The following PRKAR2B variants were observed in gnomAD, a reference collection of about 807,000 sequenced individuals.
PRKAR2B encodes protein kinase cAMP-dependent type II regulatory subunit beta, also known as cAMP-dependent protein kinase type II-beta regulatory subunit.
PRKAR2B carries 14 observed loss-of-function variants against 49.9 expected under a neutral mutation model. The ratio of observed to expected loss-of-function variants is 0.28; its 90% CI spans 0.19 to 0.44. The LOEUF is 0.44. Ranked by LOEUF, PRKAR2B falls within the 20% of genes least tolerant of loss-of-function variation. The pLI is 1.00. For missense variants in PRKAR2B, 393 were observed against 537.9 expected (o/e 0.73, Z 2.67); for synonymous variants, 196 against 197.7 (o/e 0.99, Z 0.07).
At chr7:107,079,791 ATAAT>A (rs1481337994) in intron 2 of PRKAR2B, among the ~76,000 whole-genome samples, 1 of 152,172 alleles carries the variant, frequency 6.6e-6, no homozygotes, top group Non-Finnish European at 1.5e-5. Context: ...AGTGAGGTTC[ATAAT>A]TAATGGACTG....
At chr7:107,079,074 T>A (rs1268887216) in intron 2 of PRKAR2B, among the ~76,000 whole-genome samples, 1 of 152,032 alleles carries the variant, frequency 6.6e-6, no homozygotes, top group Non-Finnish European at 1.5e-5. Flanking sequence ...GGTCGGGGAG[T>A]TAGATCTATA....
At chr7:107,150,842 G>C in intron 6 of PRKAR2B, 80 bp from the exon 7 acceptor site, 1 of 666,348 alleles carries the variant, frequency 1.5e-6, no homozygotes, top group Non-Finnish European at 2.5e-6. Flanking sequence ...TTCAATCATT[G>C]TTTCTTGTAG....
Position 107,100,660 on chromosome 7 carries a change from G to A in PRKAR2B, c.344-21292G>A, listed in dbSNP as rs374173219. 3.5e-4 allele frequency among the ~76,000 whole-genome samples: 53 copies of A among 151,996 alleles called. 1 individual carries two copies. The highest frequency in any genetic ancestry group is 2.3e-3 in the South Asian group (11 of 4,816). ...TACTTGATGTCTCACAGATATCTACGACTGTCTATTTTTATTCATTCTTTT... is the reference window on the plus strand; with the variant it reads ...TACTTGATGTCTCACAGATATCTACAACTGTCTATTTTTATTCATTCTTTT... On this transcript the variant is annotated intron_variant, in intron 2 of 10. Coordinates refer to ENST00000265717, the MANE Select transcript of PRKAR2B (RefSeq NM_002736.3).
intron 1 of PRKAR2B, chr7:107,067,001 A>G (rs1038355225): frequency 6.6e-6 from 1 of 152,332 alleles, no homozygotes; most frequent in Admixed American, 6.5e-5. Flanking sequence ...CAATGTGGCC[A>G]GTATTAGAGC....
rs187433490 is a variant in PRKAR2B, at chr7:107,073,263, T to C, written c.343+2947T>C. ...ATTTATGCTTAACAAATACATTCTTTAGGATTATTTTTACACTTTTAAGAA... is the reference window on the plus strand; with the variant it reads ...ATTTATGCTTAACAAATACATTCTTCAGGATTATTTTTACACTTTTAAGAA... On this transcript the variant is annotated intron_variant, in intron 2 of 10. Coordinates refer to ENST00000265717, the MANE Select transcript of PRKAR2B (RefSeq NM_002736.3). 2.3e-3 allele frequency among the ~76,000 whole-genome samples: 356 copies of C among 152,344 alleles called. 2 individuals carry two copies. Among genetic ancestry groups the C allele is most frequent in the African/African-American group, 8.2e-3 (339 of 41,582 alleles).
At chr7:107,071,961 C>T (rs979230493) in intron 2 of PRKAR2B, among the ~76,000 whole-genome samples, 8 of 151,080 alleles carry the variant, frequency 5.3e-5, no homozygotes, top group African/African-American at 1.2e-4. Context: ...CCCAGCTACT[C>T]GGGAGGCTGA....
intron 4 of PRKAR2B, among the ~76,000 whole-genome samples, chr7:107,133,975 C>A (rs1795649181): frequency 6.6e-6 from 1 of 151,886 alleles, no homozygotes; most frequent in Admixed American, 6.6e-5. Context: ...CAAATATATT[C>A]TTTTTCAAAT....
At chr7:107,075,754 T>A (rs1429190301) in intron 2 of PRKAR2B, among the ~76,000 whole-genome samples, 3 of 152,164 alleles carry the variant, frequency 2.0e-5, no homozygotes, top group African/African-American at 7.2e-5. Flanking sequence ...CTTCTTCTTA[T>A]GAACGTGGTT....
At chr7:107,094,239 G>C (rs1201124057) in intron 2 of PRKAR2B, among the ~76,000 whole-genome samples, 1 of 152,146 alleles carries the variant, frequency 6.6e-6, no homozygotes, top group Non-Finnish European at 1.5e-5. Context: ...TTGTGGTTTT[G>C]ATTTGCATTT....
chr7:107,144,339 G>T (rs923737525), intron 5 of PRKAR2B, among the ~76,000 whole-genome samples: 1 of 151,916 alleles, frequency 6.6e-6, no homozygotes, highest in Non-Finnish European at 1.5e-5. Context: ...GCCCACCTTG[G>T]CCTCCTAAAG....
At chr7:107,139,764 G>A (rs1250641926) in intron 4 of PRKAR2B, among the ~76,000 whole-genome samples, 5 of 152,050 alleles carry the variant, frequency 3.3e-5, no homozygotes, top group African/African-American at 4.8e-5. Flanking sequence ...ATTTTCATGC[G>A]GTCTCAAAAG....
intron 2 of PRKAR2B, among the ~76,000 whole-genome samples, chr7:107,085,629 T>A (rs546607788): frequency 1.3e-4 from 20 of 152,276 alleles, no homozygotes; most frequent in African/African-American, 4.6e-4. Context: ...CCTTGGGTGT[T>A]TTTATGCACA....
At chr7:107,150,301 C>T (rs1584454757) in intron 6 of PRKAR2B, among the ~76,000 whole-genome samples, 1 of 152,148 alleles carries the variant, frequency 6.6e-6, no homozygotes, top group East Asian at 1.9e-4. Flanking sequence ...ACATGGTAAA[C>T]ACTGGAATTA....
chr7:107,144,053 CTTATTTATTTATTTAT>C (rs60565381), intron 5 of PRKAR2B, among the ~76,000 whole-genome samples: 114 of 143,506 alleles, frequency 7.9e-4, no homozygotes, highest in African/African-American at 1.0e-3. Flanking sequence ...CAATTCTTTT[CTTATTTATTTATTTAT>C]TTATTTATTT....
At chr7:107,051,493 A>G (rs1025402198) in intron 1 of PRKAR2B, among the ~76,000 whole-genome samples, 1 of 152,050 alleles carries the variant, frequency 6.6e-6, no homozygotes, top group Non-Finnish European at 1.5e-5. Context: ...ACAAAATCCT[A>G]CTCTAAAAAC....
intron 1 of PRKAR2B, among the ~76,000 whole-genome samples, chr7:107,045,867 G>C (rs1309397796): frequency 1.3e-5 from 2 of 152,206 alleles, no homozygotes; most frequent in Non-Finnish European, 2.9e-5. Context: ...ACCCACGGGG[G>C]TCTTTGGAAC....
chr7:107,115,096 C>T (rs1470717027), intron 2 of PRKAR2B, among the ~76,000 whole-genome samples: 7 of 151,900 alleles, frequency 4.6e-5, no homozygotes, highest in South Asian at 4.2e-4. Flanking sequence ...AATTACATGT[C>T]TGGGATGGTT....
chr7:107,159,389 T>A, intron 10 of PRKAR2B, 60 bp from the exon 11 acceptor site: 1 of 1,567,730 alleles, frequency 6.4e-7, no homozygotes, highest in Non-Finnish European at 8.7e-7. Flanking sequence ...TGTAAATGAC[T>A]TAGAAATTCT....
At chr7:107,136,067 G>A (rs1243525975) in intron 4 of PRKAR2B, among the ~76,000 whole-genome samples, 1 of 152,040 alleles carries the variant, frequency 6.6e-6, no homozygotes. Flanking sequence ...GAAGAGAAAA[G>A]GTAACACAAT....
Sources: allele counts gnomAD v4.1 joint callset (sites outside exome capture counted in the v4.1 genomes callset), GRCh38; gene constraint gnomAD v4.1.1; transcripts MANE v1.5; gene names NCBI Gene and HGNC (gene_info 2026-07-23, HGNC 2026-07-21).